The following UGT1A6 variants were observed in gnomAD, a reference collection of about 807,000 sequenced individuals.
UGT1A6 encodes UDP glucuronosyltransferase family 1 member A6.
UGT1A6 carries 32 observed loss-of-function variants against 44.4 expected under a neutral mutation model. The ratio of observed to expected loss-of-function variants is 0.72; its 90% CI spans 0.54 to 0.97. UGT1A6 has a LOEUF of 0.97. UGT1A6 is among the 50% of genes least tolerant of loss of function. The pLI, the probability that UGT1A6 is intolerant of heterozygous loss-of-function variation, is 0.00. For missense variants in UGT1A6, 685 were observed against 661.9 expected, an observed-to-expected ratio of 1.03 and a Z score of -0.38; for synonymous variants, 238 against 248.5, an observed-to-expected ratio of 0.96 and a Z score of 0.40.
At chr2:233,719,184 T>C in intron 1 of UGT1A6, 1 of 1,614,254 alleles carries the variant, frequency 6.2e-7, no homozygotes, top group Non-Finnish European at 8.5e-7. Flanking sequence ...CAATGTATCT[T>C]TGGCCCTTCA....
chr2:233,710,599 GGTTT>G (rs1342342339), intron 1 of UGT1A6, among the ~76,000 whole-genome samples: 2 of 152,000 alleles, frequency 1.3e-5, no homozygotes, highest in Admixed American at 6.5e-5. Context: ...CACCTTTATT[GGTTT>G]GTTTGTCTTC....
chr2:233,720,875 T>C (rs1162518067), intron 1 of UGT1A6, among the ~76,000 whole-genome samples: 2 of 150,264 alleles, frequency 1.3e-5, no homozygotes, highest in East Asian at 3.9e-4. Context: ...CTGGCAATTT[T>C]TTTTTTTTTT....
At chr2:233,767,287 C>A in intron 2 of UGT1A6, 122 bp downstream of exon 2, 1 of 1,567,668 alleles carries the variant, frequency 6.4e-7, no homozygotes, top group East Asian at 2.3e-5. Flanking sequence ...CTGCCACTTC[C>A]CAACTATTAA....
chr2:233,755,235 C>T lies in UGT1A6; in HGVS notation c.862-11799C>T, dbSNP rs1346915931. ...CTTGATACCCTCGGACGAGGCCTACCGGGGTACTCCCAGCACCTCGTAGTA... is the reference window on the plus strand; with the variant it reads ...CTTGATACCCTCGGACGAGGCCTACTGGGGTACTCCCAGCACCTCGTAGTA... On this transcript the variant is annotated intron_variant, in intron 1 of 4. Transcript: ENST00000305139. The T allele has an allele frequency of 1.2e-5, 11 of 904,686 alleles. No homozygotes were observed. The East Asian group carries it at 3.5e-4, about 29-fold the overall frequency. 56.0% of individuals were successfully genotyped at this position (904,686 alleles called of 1,614,324 possible).
intron 1 of UGT1A6, among the ~76,000 whole-genome samples, chr2:233,694,361 G>A (rs1283070804): frequency 6.6e-6 from 1 of 151,520 alleles, no homozygotes; most frequent in African/African-American, 2.4e-5. Context: ...AGCTAAGAAT[G>A]GTTTTTGTAG....
At chr2:233,740,031 T>C (rs1041494414) in intron 1 of UGT1A6, among the ~76,000 whole-genome samples, 2 of 151,832 alleles carry the variant, frequency 1.3e-5, no homozygotes, top group African/African-American at 2.4e-5. Flanking sequence ...CTGATGGTTT[T>C]ATAAGGGACT....
intron 1 of UGT1A6, among the ~76,000 whole-genome samples, chr2:233,707,198 T>C (rs2075948022): frequency 1.3e-5 from 2 of 152,230 alleles, no homozygotes; most frequent in African/African-American, 4.8e-5. Context: ...CTCCGTTCTA[T>C]TCCCTTTCCA....
At chr2:233,717,710 C>G in intron 1 of UGT1A6, 1 of 452,848 alleles carries the variant, frequency 2.2e-6, no homozygotes, top group Non-Finnish European at 4.5e-6. Context: ...CAGGACGAGC[C>G]TCATGGGCAT....
At chr2:233,711,717 G>A (rs2076193718) in intron 1 of UGT1A6, among the ~76,000 whole-genome samples, 1 of 152,198 alleles carries the variant, frequency 6.6e-6, no homozygotes, top group South Asian at 2.1e-4. Flanking sequence ...GGAAGCCTCA[G>A]CTTCACCAGC....
intron 1 of UGT1A6, among the ~76,000 whole-genome samples, chr2:233,758,599 C>A (rs1696920593): frequency 6.6e-6 from 1 of 152,110 alleles, no homozygotes; most frequent in Admixed American, 6.5e-5. Flanking sequence ...TGGGGAGGAG[C>A]TTCAGTGTGC....
At position 233,772,278 on chromosome 2, in the gene UGT1A6, A is replaced by G. The variant is rs1289153891; in HGVS notation, c.1318A>G (p.Met440Val). 6.2e-7 allele frequency: 1 copy of G among 1,614,252 alleles called. No homozygotes were observed. Among genetic ancestry groups the G allele is most frequent in the Admixed American group, 1.7e-5 (1 of 60,036 alleles). Residue 440 changes from methionine to valine, a missense_variant, in exon 5 of 5, where the codon ATG becomes GTG. By Grantham distance (21) the Met-to-Val change is conservative. Coordinates refer to ENST00000305139, the MANE Select transcript of UGT1A6 (RefSeq NM_001072.4). Reference sequence around the variant, plus strand: ...TGTGTTTAGTTACAAGGAGAACATCATGCGCCTCTCCAGCCTTCACAAGGA... The same window carrying G: ...TGTGTTTAGTTACAAGGAGAACATCGTGCGCCTCTCCAGCCTTCACAAGGA... ...INDKSYKENI[M>V]RLSSLHKDRP... is the part of the protein sequence containing the mutation.
intron 3 of UGT1A6, 40 bp downstream of exon 3, chr2:233,767,976 C>A: frequency 6.2e-7 from 1 of 1,614,040 alleles, no homozygotes; most frequent in South Asian, 1.1e-5. Context: ...AAACCAGGGT[C>A]AAATTAAGAA....
chr2:233,755,353 G>C (rs1323397761), intron 1 of UGT1A6: 2 of 385,742 alleles, frequency 5.2e-6, no homozygotes, highest in Non-Finnish European at 9.5e-6. Context: ...GAGGCTTGGC[G>C]ACCTGGGCCG....
chr2:233,762,650 A>G (rs1191446046), intron 1 of UGT1A6, among the ~76,000 whole-genome samples: 5 of 151,336 alleles, frequency 3.3e-5, no homozygotes, highest in Admixed American at 2.6e-4. Context: ...AAGATAAGCT[A>G]TTTTGTAGTT....
intron 1 of UGT1A6, among the ~76,000 whole-genome samples, chr2:233,761,782 A>G (rs1423318285): frequency 1.3e-5 from 2 of 152,218 alleles, no homozygotes; most frequent in African/African-American, 4.8e-5. Context: ...ATCCTCATCG[A>G]AATCTCAGCA....
intron 1 of UGT1A6, among the ~76,000 whole-genome samples, chr2:233,700,193 T>C (rs2075549348): frequency 1.3e-5 from 2 of 152,154 alleles, no homozygotes; most frequent in African/African-American, 4.8e-5. Context: ...ATCTCAGCCT[T>C]TGTTGGCTGA....
At chr2:233,723,986 G>A (rs1415108440) in intron 1 of UGT1A6, among the ~76,000 whole-genome samples, 7 of 57,878 alleles carry the variant, frequency 1.2e-4, no homozygotes, top group African/African-American at 7.1e-4. Context: ...CACCTTTCCC[G>A]CCTTTCTATT....
At chr2:233,718,557 G>A (rs1043661676) in intron 1 of UGT1A6, among the ~76,000 whole-genome samples, 1 of 152,220 alleles carries the variant, frequency 6.6e-6, no homozygotes, top group Non-Finnish European at 1.5e-5. Context: ...AGAAAGAAGA[G>A]CTTGAACTTG....
At chr2:233,757,812 T>G (rs772268398) in intron 1 of UGT1A6, among the ~76,000 whole-genome samples, 1 of 151,794 alleles carries the variant, frequency 6.6e-6, no homozygotes, top group Non-Finnish European at 1.5e-5. Flanking sequence ...TGAAAGGAGC[T>G]GGTAGTGTGT....
Sources: allele counts gnomAD v4.1 joint callset (sites outside exome capture counted in the v4.1 genomes callset), GRCh38; gene constraint gnomAD v4.1.1; transcripts MANE v1.5; gene names NCBI Gene and HGNC (gene_info 2026-07-23, HGNC 2026-07-21).